Variants in TRMT9B observed in about 807,000 individuals in gnomAD.
TRMT9B encodes the protein probable tRNA methyltransferase 9B.
TRMT9B carries 16 observed loss-of-function variants against 11.5 expected under a neutral mutation model. The observed-to-expected ratio is 1.39, with a 90% CI of 0.94 to 2.11. The LOEUF (loss-of-function observed/expected upper bound fraction) is 2.11. Among genes scored for constraint, TRMT9B ranks in the 30% most tolerant of loss-of-function variants. The pLI is 0.00. For missense variants in TRMT9B, 941 were observed against 553.8 expected (o/e 1.70, Z -7.02); for synonymous variants, 274 against 192.4 (o/e 1.42, Z -3.51).
chr8:13,007,583 G>A (rs1178299919), intron 3 of TRMT9B: 1 of 152,240 alleles, frequency 6.6e-6, no homozygotes, highest in South Asian at 2.1e-4. Flanking sequence ...TCTGGGGAAG[G>A]GGTGCATGTC....
At position 13,023,978 on chromosome 8, in the gene TRMT9B, T is replaced by C. The variant is rs929593920; in HGVS notation, c.*1934T>C. Reference sequence around the variant, plus strand: ...CTGTTCAGTGTACATCCTGCAGTAGTGGATGATTGAAAACATATATAAGTG... The same window carrying C: ...CTGTTCAGTGTACATCCTGCAGTAGCGGATGATTGAAAACATATATAAGTG... On this transcript the variant is annotated 3_prime_UTR_variant, in exon 5 of 5. Coordinates refer to ENST00000524591, the MANE Select transcript of TRMT9B (RefSeq NM_020844.3). 2.4e-5 allele frequency: 4 copies of C among 166,768 alleles called. No homozygotes were observed. The highest frequency in any genetic ancestry group is 6.6e-5 in the Admixed American group (1 of 15,240). 10.3% of individuals were successfully genotyped at this position (166,768 alleles called of 1,614,324 possible).
intron 1 of TRMT9B, among the ~76,000 whole-genome samples, chr8:12,984,986 C>T (rs1422058102): frequency 7.8e-6 from 1 of 128,864 alleles, no homozygotes; most frequent in Non-Finnish European, 1.7e-5. Flanking sequence ...CACACACACA[C>T]ACTCTCTCTC....
In TRMT9B at chr8:12,953,743, G is replaced by C. The variant is rs530924047; in HGVS notation, c.-200+7777G>C. On this transcript the variant is annotated intron_variant, in intron 1 of 4. Coordinates refer to ENST00000524591, the MANE Select transcript of TRMT9B (RefSeq NM_020844.3). Reference sequence around the variant, plus strand: ...GTCCAGTGTTGTGAGTGGTGCCTTAGAGTTGCTCATAGCAAGAAAATCACT... The same window carrying C: ...GTCCAGTGTTGTGAGTGGTGCCTTACAGTTGCTCATAGCAAGAAAATCACT... 2.6e-5 allele frequency among the ~76,000 whole-genome samples: 4 copies of C among 152,296 alleles called. No homozygotes were observed. The East Asian group carries it at 7.7e-4, about 29-fold the overall frequency.
At chr8:13,013,039 A>T (rs1811948001) in intron 4 of TRMT9B, among the ~76,000 whole-genome samples, 182 bp downstream of exon 4, 2 of 152,248 alleles carry the variant, frequency 1.3e-5, no homozygotes, top group African/African-American at 4.8e-5. Context: ...TATTTATGGC[A>T]CATATGATTG....
intron 2 of TRMT9B, among the ~76,000 whole-genome samples, chr8:13,004,198 C>G (rs997950752): frequency 7.2e-5 from 11 of 151,950 alleles, no homozygotes; most frequent in African/African-American, 2.7e-4. Context: ...CTAAAGGGCT[C>G]TGGGGTACTA....
At chr8:12,952,334 C>A in intron 1 of TRMT9B, 1 of 329,278 alleles carries the variant, frequency 3.0e-6, no homozygotes, top group South Asian at 2.1e-5. Flanking sequence ...TGCCCCGGAG[C>A]CCGCGCCCGG....
rs75544426 is a variant in TRMT9B at position 12,996,351 on chromosome 8, G to C, written c.-2+5320G>C. Among the ~76,000 whole-genome samples, 16 of 152,238 alleles carry C rather than the reference G, an allele frequency of 1.1e-4. 1 individual carries two copies. In the East Asian group the frequency reaches 3.1e-3, roughly 29 times the overall value. ...CTAACTGAAACAACTTCTTTACTGG[G>C]AGCAAATGGACTCTATTCTTGGCTG... is the stretch of plus-strand genomic sequence containing the variant. On this transcript the variant is annotated intron_variant, in intron 2 of 4. Coordinates refer to ENST00000524591, the MANE Select transcript of TRMT9B (RefSeq NM_020844.3).
rs558455126 is a variant in TRMT9B, at chr8:13,019,457, A to T, written c.329-1551A>T. On this transcript the variant is annotated intron_variant, in intron 4 of 4. Transcript: ENST00000524591. ...CAGGCACACACCAATGCACCCAGTT[A>T]ATTTTTTTATATTTTTTGTAGAGAT... Among the ~76,000 whole-genome samples the T allele has an allele frequency of 1.2e-3, 181 of 152,060 alleles. 1 individual carries two copies. The highest frequency in any genetic ancestry group is 4.4e-3 in the African/African-American group (181 of 41,480).
chr8:13,020,141 C>G (rs1184691030), intron 4 of TRMT9B, among the ~76,000 whole-genome samples: 2 of 152,174 alleles, frequency 1.3e-5, no homozygotes, highest in Non-Finnish European at 2.9e-5. Flanking sequence ...CCCTCTCAGG[C>G]TCTGTCTCTG....
intron 2 of TRMT9B, among the ~76,000 whole-genome samples, chr8:12,991,631 T>A (rs1188054741): frequency 6.6e-6 from 1 of 152,176 alleles, no homozygotes; most frequent in Non-Finnish European, 1.5e-5. Flanking sequence ...ATGCCTAGAT[T>A]GTACCTATAA....
chr8:13,007,663 G>T (rs1810735451), intron 3 of TRMT9B: 1 of 152,142 alleles, frequency 6.6e-6, no homozygotes. Flanking sequence ...TCTAGTTTCG[G>T]AGTGTGCAGT....
At chr8:12,948,742 C>G (rs1402211859) in intron 1 of TRMT9B, among the ~76,000 whole-genome samples, 2 of 151,972 alleles carry the variant, frequency 1.3e-5, no homozygotes, top group African/African-American at 2.4e-5. Context: ...GGGTGGATCA[C>G]GAGGTCAGGA....
intron 4 of TRMT9B, among the ~76,000 whole-genome samples, chr8:13,019,258 T>C (rs1813362700): frequency 6.6e-6 from 1 of 152,192 alleles, no homozygotes; most frequent in Admixed American, 6.5e-5. Flanking sequence ...GGGAGATACA[T>C]ACATATGGGA....
chr8:12,997,667 AT>A (rs1258704265), intron 2 of TRMT9B, among the ~76,000 whole-genome samples: 4 of 152,092 alleles, frequency 2.6e-5, no homozygotes, highest in African/African-American at 9.7e-5. Context: ...CAGTTTCCAG[AT>A]TTGTGCTACT....
intron 2 of TRMT9B, among the ~76,000 whole-genome samples, chr8:12,993,185 C>T (rs1474119057): frequency 4.6e-5 from 7 of 152,104 alleles, no homozygotes; most frequent in Non-Finnish European, 1.5e-5. Context: ...GGAGGGTTTT[C>T]GTGACAGACT....
chr8:13,020,536 A>G (rs73206608), intron 4 of TRMT9B, among the ~76,000 whole-genome samples: 7,313 of 152,270 alleles, frequency 0.048, 201 homozygotes, highest in Non-Finnish European at 0.054. Context: ...TCTTTAACAT[A>G]TTTCTGTACT....
rs1316342524 is a variant in TRMT9B at position 13,027,564 on chromosome 8, G to C, written c.*5520G>C. 2 of 167,022 alleles carry C rather than the reference G, an allele frequency of 1.2e-5. No homozygotes were observed. The highest frequency in any genetic ancestry group is 2.9e-5 in the Non-Finnish European group (2 of 68,122). 10.3% of individuals were successfully genotyped at this position (167,022 alleles called of 1,614,324 possible). ...TTATTTTTCAGTCTCATTTCCTGCA[G>C]TTGCACCCGATTTTTTCTGTTCTGC... On this transcript the variant is annotated 3_prime_UTR_variant, in exon 5 of 5. Transcript: ENST00000524591.
rs567829277 is a variant in TRMT9B, at chr8:13,002,682, A to T, written c.-1-3520A>T. Among the ~76,000 whole-genome samples, 3 of 152,324 alleles carry T rather than the reference A, an allele frequency of 2.0e-5. No individual in the cohort carries two copies. In the South Asian group the frequency reaches 6.2e-4, roughly 32 times the overall value. On this transcript the variant is annotated intron_variant, in intron 2 of 4. Coordinates refer to ENST00000524591, the MANE Select transcript of TRMT9B (RefSeq NM_020844.3). ...GGAATGATGGAATTATATTATCATCATTCGGTGATACTTGTAGTAATAATT... is the reference window on the plus strand; with the variant it reads ...GGAATGATGGAATTATATTATCATCTTTCGGTGATACTTGTAGTAATAATT...
chr8:12,993,427 A>G (rs972370587), intron 2 of TRMT9B, among the ~76,000 whole-genome samples: 2 of 152,320 alleles, frequency 1.3e-5, no homozygotes, highest in African/African-American at 4.8e-5. Context: ...TACTGTAAGA[A>G]TGTATTGTGT....
Sources: gnomAD v4.1 joint callset for allele counts (sites outside exome capture counted in the v4.1 genomes callset) on GRCh38, gnomAD v4.1.1 for gene constraint, MANE v1.5 for transcripts, NCBI Gene and HGNC (gene_info 2026-07-23, HGNC 2026-07-21) for gene names.